ATRNL1: variants seen among roughly 807,000 people sequenced by gnomAD.
The protein encoded by ATRNL1 is attractin-like protein 1.
A neutral mutation model predicts 182.7 loss-of-function variants in ATRNL1; 95 were observed. That is an observed-to-expected ratio of 0.52 (90% CI 0.44 to 0.62). The LOEUF (loss-of-function observed/expected upper bound fraction) is 0.62. ATRNL1 is among the 20% of genes least tolerant of loss of function. The probability of loss-of-function intolerance (pLI) is 0.00; values close to 1 mark genes in which losing one functional copy is unlikely to be tolerated. For synonymous variants in ATRNL1, 576 were observed against 568.3 expected (o/e 1.01, Z -0.19); for missense variants, 1,471 against 1,679.5 (o/e 0.88, Z 2.17).
chr10:115,103,109 C>T (rs1460911938), intron 1 of ATRNL1, among the ~76,000 whole-genome samples: 1 of 149,082 alleles, frequency 6.7e-6, no homozygotes, highest in African/African-American at 2.5e-5. Flanking sequence ...ATGATCTCGG[C>T]TCAATGCAAC....
intron 9 of ATRNL1, among the ~76,000 whole-genome samples, chr10:115,231,071 A>C (rs577087509): frequency 4.7e-4 from 71 of 152,184 alleles, no homozygotes; most frequent in African/African-American, 1.6e-3. Flanking sequence ...GTTTAATTTG[A>C]GGTACATACT....
chr10:115,554,831 A>C (rs1206733900), intron 26 of ATRNL1, among the ~76,000 whole-genome samples: 1 of 151,708 alleles, frequency 6.6e-6, no homozygotes, highest in East Asian at 1.9e-4. Flanking sequence ...TTTACTGTAT[A>C]TACAATACAA....
chr10:115,837,780 C>T (rs1555095958), intron 27 of ATRNL1, among the ~76,000 whole-genome samples: 1 of 152,074 alleles, frequency 6.6e-6, no homozygotes, highest in African/African-American at 2.4e-5. Flanking sequence ...AATGACTTCA[C>T]CCAGGAGAGA....
chr10:115,194,485 A>T (rs1387677496), intron 8 of ATRNL1, among the ~76,000 whole-genome samples: 1 of 151,418 alleles, frequency 6.6e-6, no homozygotes, highest in Admixed American at 6.6e-5. Flanking sequence ...AAACCTATTT[A>T]TGTGATACAA....
intron 28 of ATRNL1, among the ~76,000 whole-genome samples, chr10:115,939,001 T>C (rs1953645631): frequency 6.6e-6 from 1 of 152,192 alleles, no homozygotes; most frequent in Non-Finnish European, 1.5e-5. Flanking sequence ...AAAGAATAGA[T>C]TTTTAACATT....
chr10:115,922,117 G>A (rs1051782681), intron 28 of ATRNL1, among the ~76,000 whole-genome samples: 2 of 152,090 alleles, frequency 1.3e-5, no homozygotes, highest in African/African-American at 4.8e-5. Context: ...CTGCCCCCAC[G>A]TTCACTGGTT....
intron 27 of ATRNL1, among the ~76,000 whole-genome samples, chr10:115,759,914 G>A (rs1303651098): frequency 7.4e-6 from 1 of 134,980 alleles, no homozygotes; most frequent in South Asian, 2.4e-4. Context: ...GACTGATCTC[G>A]AACTCTTGAC....
chr10:115,426,341 C>A, intron 21 of ATRNL1, 39 bp downstream of exon 21: 2 of 1,429,672 alleles, frequency 1.4e-6, no homozygotes, highest in Non-Finnish European at 2.0e-6. Context: ...ATAATTGGTG[C>A]ATACTATTAG....
intron 17 of ATRNL1, among the ~76,000 whole-genome samples, chr10:115,309,487 T>C (rs1853908795): frequency 2.0e-5 from 3 of 152,090 alleles, no homozygotes; most frequent in African/African-American, 7.2e-5. Flanking sequence ...AGGGATAGTT[T>C]ACCTGCTTGG....
intron 1 of ATRNL1, among the ~76,000 whole-genome samples, chr10:115,112,333 G>C (rs1554868360): frequency 6.6e-6 from 1 of 152,114 alleles, no homozygotes; most frequent in Non-Finnish European, 1.5e-5. Context: ...AAGCACTGTT[G>C]AGCAAAAAGA....
At chr10:115,313,096 T>C (rs782380389) in intron 17 of ATRNL1, among the ~76,000 whole-genome samples, 14 of 152,084 alleles carry the variant, frequency 9.2e-5, no homozygotes, top group Non-Finnish European at 2.1e-4. Context: ...TTGAGTAACA[T>C]AGTAGTCAAC....
chr10:115,230,870 T>TGAGAGAGAGAGAGAGAGAGAGAGAGAGA lies in ATRNL1; in HGVS notation c.1533-10676_1533-10649dup, dbSNP rs1169884107. Among the ~76,000 whole-genome samples, 25 of 83,744 alleles carry TGAGAGAGAGAGAGAGAGAGAGAGAGAGA rather than the reference T, an allele frequency of 3.0e-4. 4 individuals are homozygous for TGAGAGAGAGAGAGAGAGAGAGAGAGAGA. Among genetic ancestry groups the TGAGAGAGAGAGAGAGAGAGAGAGAGAGA allele is most frequent in the Non-Finnish European group, 4.0e-4 (18 of 45,542 alleles). 54.9% of individuals were successfully genotyped at this position (83,744 alleles called of 152,430 possible). A position where few individuals can be genotyped will look rare whatever the true frequency, so the allele number is the denominator to read the frequency against. On this transcript the variant is annotated intron_variant, in intron 9 of 28. Coordinates refer to ENST00000355044, the MANE Select transcript of ATRNL1 (RefSeq NM_207303.4). ...ACTAGGGGACTGGATATAGAGTGGA[T>TGAGAGAGAGAGAGAGAGAGAGAGAGAGA]GAGAGAGAGAGAGAGAGAGAGAGAG... is the stretch of plus-strand genomic sequence containing the variant.
At chr10:115,749,181 T>C (rs534837069) in intron 27 of ATRNL1, among the ~76,000 whole-genome samples, 1 of 152,020 alleles carries the variant, frequency 6.6e-6, no homozygotes, top group South Asian at 2.1e-4. Flanking sequence ...ATATTCAACT[T>C]TTTAAATATA....
intron 28 of ATRNL1, among the ~76,000 whole-genome samples, chr10:115,867,464 C>T (rs1000386245): frequency 1.3e-5 from 2 of 152,142 alleles, no homozygotes; most frequent in Non-Finnish European, 2.9e-5. Flanking sequence ...AGTCTCCTTA[C>T]TGGAAGCAGC....
At chr10:115,365,017 G>T (rs1272707361) in intron 19 of ATRNL1, among the ~76,000 whole-genome samples, 7 of 150,188 alleles carry the variant, frequency 4.7e-5, no homozygotes, top group Non-Finnish European at 1.0e-4. Context: ...TTTGGTATCA[G>T]AATGATGCTG....
At chr10:115,162,378 T>C (rs1846830733) in intron 6 of ATRNL1, among the ~76,000 whole-genome samples, 2 of 151,980 alleles carry the variant, frequency 1.3e-5, no homozygotes, top group South Asian at 2.1e-4. Flanking sequence ...CAGTTATTTG[T>C]AGGCGCAGAA....
At chr10:115,369,083 T>C (rs1036538106) in intron 19 of ATRNL1, among the ~76,000 whole-genome samples, 12 of 152,156 alleles carry the variant, frequency 7.9e-5, no homozygotes, top group African/African-American at 2.4e-4. Flanking sequence ...TAACCTGGCT[T>C]ATTTTCACAT....
chr10:115,521,214 C>T (rs1268331914), intron 25 of ATRNL1, among the ~76,000 whole-genome samples: 6 of 147,502 alleles, frequency 4.1e-5, no homozygotes, highest in South Asian at 2.2e-4. Flanking sequence ...GGAGCAGTGG[C>T]GCTATTTCGG....
intron 5 of ATRNL1, among the ~76,000 whole-genome samples, chr10:115,144,598 A>C (rs1845896533): frequency 6.6e-6 from 1 of 152,194 alleles, no homozygotes; most frequent in South Asian, 2.1e-4. Flanking sequence ...TGGGCCATGA[A>C]AATTCTTAGC....
Sources: gnomAD v4.1 joint callset for allele counts (sites outside exome capture counted in the v4.1 genomes callset) on GRCh38, gnomAD v4.1.1 for gene constraint, MANE v1.5 for transcripts, NCBI Gene and HGNC (gene_info 2026-07-23, HGNC 2026-07-21) for gene names.